EFS: variants seen among roughly 807,000 people sequenced by gnomAD.
EFS encodes embryonal Fyn-associated substrate, also known as Cas scaffolding protein family member 3.
EFS carries 34 observed loss-of-function variants against 42.2 expected under a neutral mutation model. That is an observed-to-expected ratio of 0.81 (90% CI 0.61 to 1.07). EFS has a LOEUF of 1.07. Among genes scored for constraint, EFS ranks in the 50% least tolerant of loss-of-function variants. The pLI, the probability that EFS is intolerant of heterozygous loss-of-function variation, is 0.00. For synonymous variants in EFS, 299 were observed against 320.7 expected (o/e 0.93, Z 0.72); for missense variants, 717 against 729.4 (o/e 0.98, Z 0.20).
rs1371642509 is a variant in EFS at position 23,357,243 on chromosome 14, T to C, written c.1669A>G (p.Thr557Ala). Residue 557 changes from threonine to alanine, a missense_variant, in exon 6 of 6, where the codon ACT becomes GCT. Physicochemically the swap from Thr to Ala is moderately conservative, Grantham distance 58. Transcript: ENST00000216733. Reference sequence around the variant, plus strand: ...AAGGACCTTCATGGAGCCAGGCTAGTGAGCAGGGTAGTGAATTGCAGGGCC... The same window carrying C: ...AAGGACCTTCATGGAGCCAGGCTAGCGAGCAGGGTAGTGAATTGCAGGGCC... ...GQALQFTTLLTSLAP is the reference protein window; with the variant it reads ...GQALQFTTLLASLAP The C allele has an allele frequency of 1.3e-6, 2 of 1,553,302 alleles. No individual in the cohort carries two copies. The highest frequency in any genetic ancestry group is 1.8e-6 in the Non-Finnish European group (2 of 1,141,780).
At position 23,359,738 on chromosome 14, in the gene EFS, C is replaced by G. The variant is rs774621751; in HGVS notation, c.740G>C (p.Gly247Ala). Residue 247 changes from glycine (G) to alanine (A), a missense_variant, in exon 4 of 6, where the codon GGC becomes GCC. Gly to Ala is a moderately conservative substitution (Grantham distance 60). Transcript: ENST00000216733. ...CACATCGTAGATCCCCTCATCAGTGCCCCCGCCCTCCCCGTCTGCCAGCAG... is the reference window on the plus strand; with the variant it reads ...CACATCGTAGATCCCCTCATCAGTGGCCCCGCCCTCCCCGTCTGCCAGCAG... ...EELLADGEGG[G>A]TDEGIYDVPL... 1.6e-5 allele frequency: 24 copies of G among 1,516,118 alleles called. No homozygotes were observed. The highest frequency in any genetic ancestry group is 2.3e-5 in the Admixed American group (1 of 43,852). 93.9% of individuals were successfully genotyped at this position (1,516,118 alleles called of 1,614,324 possible). A position where few individuals can be genotyped will look rare whatever the true frequency, so the allele number is the denominator to read the frequency against.
chr14:23,362,343 C>G (rs1029681663), intron 1 of EFS, among the ~76,000 whole-genome samples: 1 of 152,164 alleles, frequency 6.6e-6, no homozygotes, highest in Non-Finnish European at 1.5e-5. Context: ...AAAAAAATCT[C>G]AAAGTTAAAG....
intron 1 of EFS, among the ~76,000 whole-genome samples, chr14:23,362,969 A>G (rs1023980164): frequency 5.4e-5 from 8 of 146,834 alleles, no homozygotes; most frequent in South Asian, 2.1e-4. Flanking sequence ...GCTGGAGTGC[A>G]GTGGTGCGAT....
chr14:23,360,978 C>G (rs1446354795), intron 1 of EFS, 145 bp from the exon 2 acceptor site: 3 of 817,488 alleles, frequency 3.7e-6, no homozygotes, highest in Non-Finnish European at 5.4e-6. Context: ...TGGGCCCTAG[C>G]TTCTCTCCAG....
In EFS at chr14:23,365,033, G is replaced by A. The variant is rs752385008; in HGVS notation, c.-8C>T. 2.3e-6 allele frequency: 3 copies of A among 1,329,798 alleles called. No individual in the cohort carries two copies. The highest frequency in any genetic ancestry group is 3.1e-5 in the Admixed American group (1 of 32,488). 82.4% of individuals were successfully genotyped at this position (1,329,798 alleles called of 1,614,324 possible). On this transcript the variant is annotated 5_prime_UTR_variant, in exon 1 of 6. Coordinates refer to ENST00000216733, the MANE Select transcript of EFS (RefSeq NM_005864.4). The surrounding 1 kb of genome is among the most constrained non-coding windows in gnomAD (Gnocchi z 5.3). ...CGACGTGGCAATGGCCATGGCTTTG[G>A]CCTCCCGCGCAGCCTGCCTCAGGCC...
intron 5 of EFS, 82 bp downstream of exon 5, chr14:23,358,794 G>A (rs112145452): frequency 2.7e-5 from 35 of 1,308,168 alleles, no homozygotes; most frequent in African/African-American, 2.7e-4. Context: ...TTCCTTCCAC[G>A]GTTGATGGCT....
chr14:23,357,435 G>T lies in EFS; in HGVS notation c.1477C>A (p.Arg493=), dbSNP rs776427883. The T allele has an allele frequency of 1.2e-6, 2 of 1,613,212 alleles. No homozygotes were observed. The highest frequency in any genetic ancestry group is 1.7e-6 in the Non-Finnish European group (2 of 1,179,722). The part of the protein sequence containing the change: ...RLVFVGDTLG[R]LAASAPLRAQ... ...CTCAGAGGGGCAGAGGCTGCCAGCC[G>T]GCCCAGGGTGTCCCCAACAAACACC... The change falls in exon 6 of 6, where the codon CGG becomes AGG. Residue 493 remains arginine (R), a synonymous_variant. Coordinates refer to ENST00000216733, the MANE Select transcript of EFS (RefSeq NM_005864.4).
intron 2 of EFS, 126 bp from the exon 3 acceptor site, chr14:23,360,407 G>C: frequency 6.7e-7 from 1 of 1,496,230 alleles, no homozygotes; most frequent in Non-Finnish European, 8.9e-7. Context: ...GCTCAGAAAG[G>C]TTGGTAGACA....
At chr14:23,359,182 G>A (rs1468818001) in intron 4 of EFS, 135 bp downstream of exon 4, 7 of 1,399,806 alleles carry the variant, frequency 5.0e-6, no homozygotes, top group Non-Finnish European at 6.9e-6. Context: ...AAGTACTGGG[G>A]TCCCAGGCTG....
At position 23,357,630 on chromosome 14, in the gene EFS, CA is replaced by C. The variant is rs1889972153; in HGVS notation, c.1281del (p.Val428CysfsTer30). 3 of 1,549,828 alleles carry C rather than the reference CA, an allele frequency of 1.9e-6. No individual in the cohort carries two copies. ...QEALSPGEPLVVSTGDLQLLY... is the reference protein window; with the variant it reads ...QEALSPGEPLXVSTGDLQLLY... ...AGGAGCTGCAGATCTCCGGTGGACACAACCAGTGGCTCCCCTGGGGACAGGG... is the reference window on the plus strand; with the variant it reads ...AGGAGCTGCAGATCTCCGGTGGACACACCAGTGGCTCCCCTGGGGACAGGG... On this transcript the variant is annotated frameshift_variant, in exon 6 of 6. Coordinates refer to ENST00000216733, the MANE Select transcript of EFS (RefSeq NM_005864.4). LOFTEE classifies it high-confidence loss of function.
intron 4 of EFS, 43 bp from the exon 5 acceptor site, chr14:23,359,008 G>A: frequency 6.5e-7 from 1 of 1,542,084 alleles, no homozygotes; most frequent in Non-Finnish European, 8.8e-7. Context: ...TGGGGGAGCA[G>A]GACGGGGTGG....
At position 23,360,632 on chromosome 14, in the gene EFS, G is replaced by C; in HGVS notation, c.220C>G (p.Pro74Ala). 6.2e-7 allele frequency: 1 copy of C among 1,608,612 alleles called. No individual in the cohort carries two copies. The highest frequency in any genetic ancestry group is 8.5e-7 in the Non-Finnish European group (1 of 1,176,882). ...KLLPAGPAPK[P>A]SLSPASPAQP... Reference sequence around the variant, plus strand: ...GCTGGGGACGCAGGAGAGAGGCTGGGCTTGGGTGCTGGGCCAGCAGGCAAG... The same window carrying C: ...GCTGGGGACGCAGGAGAGAGGCTGGCCTTGGGTGCTGGGCCAGCAGGCAAG... Residue 74 changes from proline to alanine, a missense_variant, in exon 2 of 6, where the codon CCC becomes GCC. Transcript: ENST00000216733.
chr14:23,358,900 G>T lies in EFS; in HGVS notation c.1227C>A (p.Pro409=). ...CCTGCGGCGCCGGCATCCCCCTCTC[G>T]GGCAGTTCAGGATCCCCTGTGCAGG... The part of the protein sequence containing the change: ...DQACTGDPEL[P]ERGMPAPQEA... The change falls in exon 5 of 6, where the codon CCC becomes CCA. Residue 409 remains proline (P), a synonymous_variant. Transcript: ENST00000216733. 6.2e-7 allele frequency: 1 copy of T among 1,612,454 alleles called. No individual in the cohort carries two copies. The highest frequency in any genetic ancestry group is 2.2e-5 in the East Asian group (1 of 44,806).
chr14:23,363,157 C>G (rs1345154449), intron 1 of EFS, among the ~76,000 whole-genome samples: 3 of 152,038 alleles, frequency 2.0e-5, no homozygotes, highest in African/African-American at 7.2e-5. Context: ...TCATGATCCG[C>G]CCGCCTCTGC....
At chr14:23,363,205 G>A (rs1010625519) in intron 1 of EFS, among the ~76,000 whole-genome samples, 2 of 151,898 alleles carry the variant, frequency 1.3e-5, no homozygotes, top group South Asian at 2.1e-4. Flanking sequence ...GAGCCACTGC[G>A]CCCAGCCAGG....
intron 2 of EFS, 68 bp from the exon 3 acceptor site, chr14:23,360,349 C>T (rs1595027405): frequency 9.7e-6 from 15 of 1,548,474 alleles, no homozygotes; most frequent in East Asian, 2.2e-5. Flanking sequence ...TGTCTGAGTG[C>T]GAGGAGCTTA....
chr14:23,364,871 G>C, intron 1 of EFS, 137 bp downstream of exon 1: 1 of 760,070 alleles, frequency 1.3e-6, no homozygotes, highest in Non-Finnish European at 1.8e-6. Context: ...ACAAAAGTGA[G>C]AGGAGGGGGA....
Position 23,359,844 on chromosome 14 carries a change from G to A in EFS, c.634C>T (p.Pro212Ser). The change falls in exon 4 of 6, where the codon CCG (proline) becomes TCG (serine). Residue 212 changes from proline to serine, a missense_variant. Coordinates refer to ENST00000216733, the MANE Select transcript of EFS (RefSeq NM_005864.4). ...PDLEWEGGRE[P>S]GPPIYAAPSN... The stretch of plus-strand genomic sequence containing the variant: ...GGGGCAGCATAGATGGGGGGCCCCG[G>A]CTCCCGGCCTCCTTCCCACTCCAGA... The A allele has an allele frequency of 6.6e-7, 1 of 1,523,684 alleles. No individual in the cohort carries two copies. 94.4% of individuals were successfully genotyped at this position (1,523,684 alleles called of 1,614,324 possible).
At position 23,359,990 on chromosome 14, in the gene EFS, TA is replaced by T; in HGVS notation, c.487del (p.Tyr163MetfsTer11). On this transcript the variant is annotated frameshift_variant, in exon 4 of 6. Transcript: ENST00000216733. LOFTEE classifies it high-confidence loss of function. ...GTGGGAAAAGGAGGCAGGGCAGTCA[TA>T]GGGGCCACTGGAGGGCACCCGGAGG... ...TALRVPSSGPYDCPASFSHPL... is the reference protein window; with the variant it reads ...TALRVPSSGPXDCPASFSHPL... The T allele has an allele frequency of 6.3e-7, 1 of 1,596,124 alleles. No individual in the cohort carries two copies. The highest frequency in any genetic ancestry group is 8.5e-7 in the Non-Finnish European group (1 of 1,172,238).
Sources: gnomAD v4.1 joint callset for allele counts (sites outside exome capture counted in the v4.1 genomes callset) on GRCh38, gnomAD v4.1.1 for gene constraint, Gnocchi (gnomAD v3.1) non-coding constraint, MANE v1.5 for transcripts, NCBI Gene and HGNC (gene_info 2026-07-23, HGNC 2026-07-21) for gene names.